Variants in HECTD2 observed in about 807,000 individuals in gnomAD.
HECTD2 encodes HECT domain E3 ubiquitin protein ligase 2.
HECTD2 carries 35 observed loss-of-function variants against 103.2 expected under a neutral mutation model. The observed-to-expected ratio is 0.34, with a 90% CI of 0.26 to 0.45. The LOEUF is 0.45. Ranked by LOEUF, HECTD2 falls within the 20% of genes least tolerant of loss-of-function variation. The pLI is 1.00. For missense variants in HECTD2, 596 were observed against 937.4 expected, an observed-to-expected ratio of 0.64 and a Z score of 4.76; for synonymous variants, 281 against 329.9, an observed-to-expected ratio of 0.85 and a Z score of 1.61.
chr10:91,470,975 C>G lies in HECTD2; in HGVS notation c.601-7226C>G, dbSNP rs187892584. 3.6e-3 allele frequency among the ~76,000 whole-genome samples: 520 copies of G among 142,936 alleles called. 3 individuals are homozygous for G. The highest frequency in any genetic ancestry group is 7.1e-3 in the South Asian group (34 of 4,796). The allele number at this position is 142,936 out of a possible 152,430, so 93.8% of individuals were successfully genotyped here. A position where few individuals can be genotyped will look rare whatever the true frequency, so the allele number is the denominator to read the frequency against. On this transcript the variant is annotated intron_variant, in intron 5 of 20. Coordinates refer to ENST00000298068, the MANE Select transcript of HECTD2 (RefSeq NM_182765.6). ...TATCATCTTTTCTGTGTGGCAGAGACACACACACACACACGCACACACACA... is the reference window on the plus strand; with the variant it reads ...TATCATCTTTTCTGTGTGGCAGAGAGACACACACACACACGCACACACACA...
chr10:91,431,165 C>G lies in HECTD2; in HGVS notation c.268+5755C>G, dbSNP rs544735782. Among the ~76,000 whole-genome samples the G allele has an allele frequency of 6.0e-4, 91 of 151,822 alleles. 1 individual carries two copies. The highest frequency in any genetic ancestry group is 2.0e-3 in the African/African-American group (84 of 41,182). ...GCTTAGTTTGGCTGGATATGAAATTCTGGGTTGAAAATTCTTTTCTTTAAG... is the reference window on the plus strand; with the variant it reads ...GCTTAGTTTGGCTGGATATGAAATTGTGGGTTGAAAATTCTTTTCTTTAAG... On this transcript the variant is annotated intron_variant, in intron 2 of 20. Transcript: ENST00000298068.
At chr10:91,483,403 A>G (rs1168734052) in intron 8 of HECTD2, among the ~76,000 whole-genome samples, 18 of 151,938 alleles carry the variant, frequency 1.2e-4, no homozygotes, top group South Asian at 2.1e-4. Context: ...AGACACTACT[A>G]TTTTAATGTG....
At chr10:91,482,754 C>T (rs74745574) in intron 7 of HECTD2, among the ~76,000 whole-genome samples, 2,158 of 152,018 alleles carry the variant, frequency 0.014, 47 homozygotes, top group African/African-American at 0.049. Flanking sequence ...GCCCTCAGAC[C>T]CAGATCTGTC....
intron 2 of HECTD2, among the ~76,000 whole-genome samples, chr10:91,458,105 C>T (rs561201649): frequency 4.7e-5 from 7 of 149,170 alleles, no homozygotes; most frequent in Non-Finnish European, 1.0e-4. Flanking sequence ...GAAGAATACA[C>T]GATAAACATA....
At position 91,454,032 on chromosome 10, in the gene HECTD2, A is replaced by G. The variant is rs573066825; in HGVS notation, c.269-6395A>G. Among the ~76,000 whole-genome samples, 5 of 152,092 alleles carry G rather than the reference A, an allele frequency of 3.3e-5. 1 individual carries two copies. In the South Asian group the frequency reaches 1.0e-3, roughly 32 times the overall value. On this transcript the variant is annotated intron_variant, in intron 2 of 20. Coordinates refer to ENST00000298068, the MANE Select transcript of HECTD2 (RefSeq NM_182765.6). ...CAAACAGCAGAGTTGTAAAAACTGC[A>G]GGAGAAAAACTGGTAGACCTGAACC...
At chr10:91,412,970 A>C (rs1320196360) in intron 1 of HECTD2, among the ~76,000 whole-genome samples, 2 of 151,930 alleles carry the variant, frequency 1.3e-5, no homozygotes, top group Non-Finnish European at 2.9e-5. Context: ...GAGCTCCTAG[A>C]GGTTTGCTTA....
At chr10:91,481,250 C>G in intron 7 of HECTD2, 111 bp downstream of exon 7, 1 of 495,384 alleles carries the variant, frequency 2.0e-6, no homozygotes, top group Non-Finnish European at 3.5e-6. Flanking sequence ...ATTATTGATT[C>G]TTTTTAGAAT....
At chr10:91,430,986 A>T (rs1843838219) in intron 2 of HECTD2, among the ~76,000 whole-genome samples, 1 of 151,372 alleles carries the variant, frequency 6.6e-6, no homozygotes, top group African/African-American at 2.4e-5. Context: ...GATGGTCTTT[A>T]CATTTTGGCA....
chr10:91,434,525 T>C (rs1185066264), intron 2 of HECTD2, among the ~76,000 whole-genome samples: 2 of 152,036 alleles, frequency 1.3e-5, no homozygotes, highest in Non-Finnish European at 2.9e-5. Flanking sequence ...ATTGGGCATC[T>C]TGAGTCGTAA....
intron 10 of HECTD2, 33 bp downstream of exon 10, chr10:91,485,336 A>G: frequency 6.5e-7 from 1 of 1,531,274 alleles, no homozygotes; most frequent in Non-Finnish European, 8.8e-7. Context: ...TTATCCACCT[A>G]AATGAAATAC....
intron 2 of HECTD2, among the ~76,000 whole-genome samples, chr10:91,454,574 C>CT (rs914013359): frequency 5.9e-4 from 88 of 147,978 alleles, no homozygotes; most frequent in African/African-American, 1.5e-3. Flanking sequence ...TGGAAAGTGT[C>CT]TTTTTTTTTT....
At chr10:91,449,732 C>G (rs1278729715) in intron 2 of HECTD2, among the ~76,000 whole-genome samples, 5 of 151,428 alleles carry the variant, frequency 3.3e-5, no homozygotes, top group Non-Finnish European at 7.4e-5. Context: ...CACAAGCATT[C>G]CTATACACAA....
intron 12 of HECTD2, among the ~76,000 whole-genome samples, 177 bp downstream of exon 12, chr10:91,491,484 A>C (rs894307115): frequency 1.3e-5 from 2 of 152,212 alleles, no homozygotes. Flanking sequence ...AGTTAAAATC[A>C]GATCTGTATT....
In HECTD2 at chr10:91,443,270, T is replaced by A. The variant is rs1037387106; in HGVS notation, c.269-17157T>A. 5.2e-3 allele frequency among the ~76,000 whole-genome samples: 519 copies of A among 99,910 alleles called. 4 individuals are homozygous for A. Among genetic ancestry groups the A allele is most frequent in the African/African-American group, 0.025 (483 of 19,560 alleles). 65.5% of individuals were successfully genotyped at this position (99,910 alleles called of 152,430 possible). ...TGGTGACCTTTGGATGGGGTTTTTG[T>A]GTGGACATCCTTTTTGTTGATGTTG... On this transcript the variant is annotated intron_variant, in intron 2 of 20. Transcript: ENST00000298068.
In HECTD2 at chr10:91,467,505, G is replaced by A. The variant is rs543359289; in HGVS notation, c.600+5321G>A. On this transcript the variant is annotated intron_variant, in intron 5 of 20. Transcript: ENST00000298068. The stretch of plus-strand genomic sequence containing the variant: ...TGGCCTCTCCCAGGGCCTCAGCCTC[G>A]CCACACTCACTTGCAGTGCACCCTC... Among the ~76,000 whole-genome samples, 14 of 152,054 alleles carry A rather than the reference G, an allele frequency of 9.2e-5. No individual in the cohort carries two copies. In the South Asian group the frequency reaches 2.3e-3, roughly 25 times the overall value.
At chr10:91,412,630 T>A (rs190273384) in intron 1 of HECTD2, among the ~76,000 whole-genome samples, 6,729 of 143,390 alleles carry the variant, frequency 0.047, 178 homozygotes, top group Non-Finnish European at 0.062. Flanking sequence ...ATTTATTTTT[T>A]AAAAAAAAAA....
At chr10:91,411,115 A>G (rs971344338) in intron 1 of HECTD2, among the ~76,000 whole-genome samples, 2 of 151,878 alleles carry the variant, frequency 1.3e-5, no homozygotes, top group Admixed American at 1.3e-4. Flanking sequence ...TGATGGTTTT[A>G]TTTTTCATAT....
intron 5 of HECTD2, among the ~76,000 whole-genome samples, chr10:91,463,937 G>A (rs1019009101): frequency 1.3e-5 from 2 of 151,932 alleles, no homozygotes; most frequent in African/African-American, 2.4e-5. Context: ...TCCATTCCTA[G>A]GTACACTTCT....
At chr10:91,459,239 C>T (rs1024218253) in intron 2 of HECTD2, among the ~76,000 whole-genome samples, 1 of 151,928 alleles carries the variant, frequency 6.6e-6, no homozygotes, top group African/African-American at 2.4e-5. Context: ...GAAACTGGAT[C>T]ACTAATATAT....
Sources: allele counts gnomAD v4.1 joint callset (sites outside exome capture counted in the v4.1 genomes callset), GRCh38; gene constraint gnomAD v4.1.1; transcripts MANE v1.5; gene names NCBI Gene and HGNC (gene_info 2026-07-23, HGNC 2026-07-21).